MCTP1: variants seen among roughly 807,000 people sequenced by gnomAD.
MCTP1 encodes multiple C2 and transmembrane domain containing 1, also known as multiple C2 and transmembrane domain-containing protein 1.
Under a neutral mutation model 120.6 loss-of-function variants are expected in MCTP1, and 69 were observed. The observed-to-expected ratio is 0.57, with a 90% CI of 0.47 to 0.70. The LOEUF (loss-of-function observed/expected upper bound fraction) is 0.70. Ranked by LOEUF, MCTP1 falls within the 30% of genes least tolerant of loss-of-function variation. MCTP1 has a pLI of 0.00. For synonymous variants in MCTP1, 529 were observed against 493.1 expected (o/e 1.07, Z -0.96); for missense variants, 1,203 against 1,248.8 (o/e 0.96, Z 0.55).
chr5:94,926,334 A>G (rs1813113720), intron 6 of MCTP1, among the ~76,000 whole-genome samples: 1 of 152,064 alleles, frequency 6.6e-6, no homozygotes, highest in Non-Finnish European at 1.5e-5. Flanking sequence ...ATGCTTTCAT[A>G]GGAACTCAAT....
At chr5:94,762,650 T>C (rs1160869375) in intron 19 of MCTP1, among the ~76,000 whole-genome samples, 1 of 152,212 alleles carries the variant, frequency 6.6e-6, no homozygotes, top group Non-Finnish European at 1.5e-5. Context: ...GGCCTAAGTG[T>C]CACCTCTACA....
chr5:95,148,043 T>A (rs1183517226), intron 1 of MCTP1, among the ~76,000 whole-genome samples: 1 of 152,220 alleles, frequency 6.6e-6, no homozygotes, highest in East Asian at 1.9e-4. Context: ...TCTTCTAGCT[T>A]GTAAGGTTTC....
At chr5:95,147,473 G>T (rs1171992077) in intron 1 of MCTP1, among the ~76,000 whole-genome samples, 1 of 152,140 alleles carries the variant, frequency 6.6e-6, no homozygotes, top group Non-Finnish European at 1.5e-5. Flanking sequence ...TGTCCTTCTT[G>T]ATAGTTGTTG....
chr5:94,965,006 A>G (rs1419599109), intron 2 of MCTP1, among the ~76,000 whole-genome samples: 1 of 152,234 alleles, frequency 6.6e-6, no homozygotes, highest in Non-Finnish European at 1.5e-5. Context: ...AATAATAACT[A>G]TTGGTCAAAT....
intron 3 of MCTP1, among the ~76,000 whole-genome samples, chr5:94,950,386 TA>T (rs1394105370): frequency 6.6e-6 from 1 of 151,864 alleles, no homozygotes; most frequent in Admixed American, 6.6e-5. Context: ...CAAAGTGATT[TA>T]AAAAAAACCC....
intron 12 of MCTP1, among the ~76,000 whole-genome samples, chr5:94,879,703 G>C (rs533603660): frequency 6.6e-6 from 1 of 152,100 alleles, no homozygotes; most frequent in African/African-American, 2.4e-5. Context: ...AAACTCCATT[G>C]TACACTCATG....
intron 1 of MCTP1, among the ~76,000 whole-genome samples, chr5:95,088,619 C>G (rs62364725): frequency 9.7e-4 from 147 of 152,308 alleles, no homozygotes; most frequent in Non-Finnish European, 1.5e-3. Context: ...GGATTAGAAC[C>G]TGCATCCTCA....
In MCTP1 at chr5:94,803,694, T is replaced by C. The variant is rs907600010; in HGVS notation, c.2437-4562A>G. ...TTTTTGTATACTACCTTAGAATCCA[T>C]AGCTAATGATTGTTTCAAGTATAAG... On this transcript the variant is annotated intron_variant, in intron 17 of 22. Coordinates refer to ENST00000515393, the MANE Select transcript of MCTP1 (RefSeq NM_024717.7). Among the ~76,000 whole-genome samples, 8 of 152,254 alleles carry C rather than the reference T, an allele frequency of 5.3e-5. No homozygotes were observed. The South Asian group carries it at 1.7e-3, about 32-fold the overall frequency.
At chr5:95,096,769 C>T (rs1034722956) in intron 1 of MCTP1, among the ~76,000 whole-genome samples, 11 of 152,034 alleles carry the variant, frequency 7.2e-5, no homozygotes, top group African/African-American at 2.7e-4. Flanking sequence ...CCTGAAAGGG[C>T]AGGATTTTAA....
intron 17 of MCTP1, among the ~76,000 whole-genome samples, chr5:94,861,333 A>G (rs1300752338): frequency 1.3e-5 from 2 of 151,874 alleles, no homozygotes; most frequent in Non-Finnish European, 2.9e-5. Flanking sequence ...TGGTAAATTA[A>G]CGAACACATT....
intron 2 of MCTP1, among the ~76,000 whole-genome samples, chr5:94,958,457 T>TAA (rs201827581): frequency 6.6e-6 from 1 of 151,852 alleles, no homozygotes; most frequent in Non-Finnish European, 1.5e-5. Flanking sequence ...GAAAAACCCT[T>TAA]AAAAAAATCA....
intron 12 of MCTP1, among the ~76,000 whole-genome samples, chr5:94,878,118 C>T (rs984131984): frequency 6.6e-6 from 1 of 152,028 alleles, no homozygotes; most frequent in Non-Finnish European, 1.5e-5. Context: ...TATTTTAATC[C>T]TTTAAAAAAT....
intron 2 of MCTP1, among the ~76,000 whole-genome samples, chr5:95,012,316 G>C (rs1053026849): frequency 6.6e-6 from 1 of 152,042 alleles, no homozygotes; most frequent in Non-Finnish European, 1.5e-5. Flanking sequence ...TTACTAATTT[G>C]CTTGTTCCTG....
chr5:94,795,604 G>A (rs1561649978), intron 18 of MCTP1, among the ~76,000 whole-genome samples: 1 of 152,108 alleles, frequency 6.6e-6, no homozygotes, highest in Non-Finnish European at 1.5e-5. Context: ...TCCCTTTCAC[G>A]CCAGGGACAT....
intron 2 of MCTP1, among the ~76,000 whole-genome samples, chr5:94,988,509 T>A (rs184295591): frequency 1.3e-5 from 2 of 152,256 alleles, no homozygotes; most frequent in Admixed American, 1.3e-4. Context: ...AAAGTGTTCT[T>A]CAGCATTCTG....
intron 1 of MCTP1, among the ~76,000 whole-genome samples, chr5:95,235,669 T>C (rs1755465722): frequency 6.6e-6 from 1 of 152,188 alleles, no homozygotes; most frequent in Non-Finnish European, 1.5e-5. Flanking sequence ...TGTATCACAT[T>C]GTGATAATTA....
chr5:94,924,451 C>G (rs1812494910), intron 6 of MCTP1, among the ~76,000 whole-genome samples: 1 of 152,074 alleles, frequency 6.6e-6, no homozygotes, highest in African/African-American at 2.4e-5. Flanking sequence ...TGCACCTAGT[C>G]AAATTTGGTT....
At chr5:94,764,157 C>G (rs1771991116) in intron 19 of MCTP1, among the ~76,000 whole-genome samples, 1 of 152,180 alleles carries the variant, frequency 6.6e-6, no homozygotes, top group Admixed American at 6.5e-5. Flanking sequence ...ACTCTTAAAC[C>G]TTTTGCTTGG....
intron 10 of MCTP1, among the ~76,000 whole-genome samples, chr5:94,906,316 C>T (rs1374904408): frequency 6.6e-6 from 1 of 151,966 alleles, no homozygotes; most frequent in Non-Finnish European, 1.5e-5. Flanking sequence ...CAAAACGCTG[C>T]CTCTACCAAA....
Sources: allele counts gnomAD v4.1 joint callset (sites outside exome capture counted in the v4.1 genomes callset), GRCh38; gene constraint gnomAD v4.1.1; transcripts MANE v1.5; gene names NCBI Gene and HGNC (gene_info 2026-07-23, HGNC 2026-07-21).